RRP15: variants seen among roughly 807,000 people sequenced by gnomAD.
The protein encoded by RRP15 is ribosomal RNA processing 15 homolog, also known as RRP15-like protein.
Under a neutral mutation model 27.1 loss-of-function variants are expected in RRP15, and 18 were observed. That is an observed-to-expected ratio of 0.66 (90% CI 0.46 to 0.98). The LOEUF is 0.98. Among genes scored for constraint, RRP15 ranks in the 50% least tolerant of loss-of-function variants. The pLI is 0.00. For synonymous variants in RRP15, 107 were observed against 109.4 expected (o/e 0.98, Z 0.14); for missense variants, 359 against 337.8 (o/e 1.06, Z -0.49).
chr1:218,329,453 T>C (rs1656331968), intron 4 of RRP15, among the ~76,000 whole-genome samples: 1 of 151,792 alleles, frequency 6.6e-6, no homozygotes. Context: ...AACAATCTAA[T>C]AGAAGTAGAA....
intron 1 of RRP15, among the ~76,000 whole-genome samples, chr1:218,291,071 C>T (rs866634900): frequency 5.0e-4 from 76 of 151,832 alleles, no homozygotes; most frequent in Middle Eastern, 3.4e-3. Context: ...CCTGGGAGTT[C>T]GAGACTGCAG....
intron 4 of RRP15, among the ~76,000 whole-genome samples, chr1:218,328,721 T>C (rs1353942447): frequency 1.3e-5 from 2 of 152,140 alleles, no homozygotes. Context: ...TTCTGTTGCC[T>C]GCGGGTTTTC....
intron 1 of RRP15, among the ~76,000 whole-genome samples, chr1:218,297,535 A>G (rs1014383811): frequency 6.6e-6 from 1 of 152,194 alleles, no homozygotes; most frequent in East Asian, 1.9e-4. Flanking sequence ...AAGACAGAAG[A>G]CTTAATGTCA....
At chr1:218,286,939 C>A (rs1466172373) in intron 1 of RRP15, among the ~76,000 whole-genome samples, 1 of 152,074 alleles carries the variant, frequency 6.6e-6, no homozygotes, top group Non-Finnish European at 1.5e-5. Context: ...AATGTCAGTA[C>A]TGCTTACAAA....
At chr1:218,299,545 C>A (rs568070684) in intron 1 of RRP15, among the ~76,000 whole-genome samples, 1 of 152,226 alleles carries the variant, frequency 6.6e-6, no homozygotes, top group South Asian at 2.1e-4. Context: ...AACATGAAAT[C>A]TGTGGCAATT....
In RRP15 at chr1:218,291,511, G is replaced by T. The variant is rs142583724; in HGVS notation, c.139+6056G>T. ...AAAGAAAAAGGAAAAAAAAAAGAAAGAAATCATTGAATTTTCCTTTTTTTT... is the reference window on the plus strand; with the variant it reads ...AAAGAAAAAGGAAAAAAAAAAGAAATAAATCATTGAATTTTCCTTTTTTTT... On this transcript the variant is annotated intron_variant, in intron 1 of 4. Transcript: ENST00000366932. Among the ~76,000 whole-genome samples the T allele has an allele frequency of 8.7e-3, 1,146 of 132,464 alleles. 20 individuals are homozygous for T. Among genetic ancestry groups the T allele is most frequent in the African/African-American group, 0.029 (1,055 of 36,698 alleles). 86.9% of individuals were successfully genotyped at this position (132,464 alleles called of 152,430 possible). A position where few individuals can be genotyped will look rare whatever the true frequency, so the allele number is the denominator to read the frequency against.
chr1:218,315,764 G>T (rs1016288362), intron 4 of RRP15, among the ~76,000 whole-genome samples: 4 of 151,916 alleles, frequency 2.6e-5, no homozygotes, highest in Non-Finnish European at 5.9e-5. Flanking sequence ...CCAGGATTTA[G>T]CTTTTAAATC....
intron 1 of RRP15, among the ~76,000 whole-genome samples, chr1:218,299,791 G>A (rs1474257802): frequency 6.6e-6 from 1 of 152,138 alleles, no homozygotes; most frequent in Non-Finnish European, 1.5e-5. Flanking sequence ...ACTCTGAAGA[G>A]TAAAACATAT....
At chr1:218,304,889 T>G in intron 2 of RRP15, 139 bp from the exon 3 acceptor site, 2 of 707,346 alleles carry the variant, frequency 2.8e-6, no homozygotes, top group Non-Finnish European at 2.4e-6. Flanking sequence ...ACCCCTAACA[T>G]TGTGTTTTTT....
At chr1:218,288,477 C>T (rs951100854) in intron 1 of RRP15, among the ~76,000 whole-genome samples, 2 of 152,152 alleles carry the variant, frequency 1.3e-5, no homozygotes, top group South Asian at 2.1e-4. Flanking sequence ...ATTCTGACAA[C>T]TCTATGAGAT....
At chr1:218,291,123 AG>A (rs1301523168) in intron 1 of RRP15, among the ~76,000 whole-genome samples, 1 of 152,024 alleles carries the variant, frequency 6.6e-6, no homozygotes, top group Non-Finnish European at 1.5e-5. Flanking sequence ...TGGGTGACAC[AG>A]CATGACCCTG....
At chr1:218,320,771 G>A (rs1004985038) in intron 4 of RRP15, among the ~76,000 whole-genome samples, 1 of 151,670 alleles carries the variant, frequency 6.6e-6, no homozygotes, top group African/African-American at 2.4e-5. Context: ...AAAATCAGTG[G>A]GCGAAAAAAA....
In RRP15 at chr1:218,285,305, C is replaced by G. The variant is rs1380373980; in HGVS notation, c.-12C>G. The G allele has an allele frequency of 8.1e-6, 13 of 1,612,794 alleles. No individual in the cohort carries two copies. The Admixed American group carries it at 2.2e-4, about 27-fold the overall frequency. On this transcript the variant is annotated 5_prime_UTR_variant, in exon 1 of 5. Transcript: ENST00000366932. ...GGACGCAACTGTCAGGTGACGCTTC[C>G]GGCGCAGAAAAATGGCAGCCGCCGC...
chr1:218,321,111 T>C (rs1656181034), intron 4 of RRP15, among the ~76,000 whole-genome samples: 1 of 152,210 alleles, frequency 6.6e-6, no homozygotes, highest in Admixed American at 6.5e-5. Flanking sequence ...GTTCAGTGGC[T>C]GCCAATGTAT....
At position 218,336,034 on chromosome 1, in the gene RRP15, C is replaced by T. The variant is rs1314301720; in HGVS notation, c.*4943C>T. ...TCTAAAAGAATGGGTTTATGATGCACCAAAAGGACATTTTGAGAACTGCCG... is the reference window on the plus strand; with the variant it reads ...TCTAAAAGAATGGGTTTATGATGCATCAAAAGGACATTTTGAGAACTGCCG... On this transcript the variant is annotated 3_prime_UTR_variant, in exon 5 of 5. Coordinates refer to ENST00000366932, the MANE Select transcript of RRP15 (RefSeq NM_016052.4). 5.3e-5 allele frequency: 8 copies of T among 152,074 alleles called. No individual in the cohort carries two copies. Among genetic ancestry groups the T allele is most frequent in the Admixed American group, 1.3e-4 (2 of 15,258 alleles). 9.4% of individuals were successfully genotyped at this position (152,074 alleles called of 1,614,324 possible).
At chr1:218,288,415 T>G (rs762364508) in intron 1 of RRP15, among the ~76,000 whole-genome samples, 40 of 152,202 alleles carry the variant, frequency 2.6e-4, no homozygotes, top group South Asian at 1.2e-3. Context: ...TTTTGGAACT[T>G]TCCTATGTGC....
At chr1:218,302,788 C>A in intron 2 of RRP15, 1 of 484,530 alleles carries the variant, frequency 2.1e-6, no homozygotes, top group South Asian at 3.8e-5. Context: ...GAAATGTAAA[C>A]GCTGAGGAAA....
chr1:218,305,264 G>A (rs1655881146), intron 3 of RRP15, 139 bp downstream of exon 3: 1 of 599,590 alleles, frequency 1.7e-6, no homozygotes, highest in East Asian at 3.0e-5. Context: ...GTTCAACACT[G>A]AATTCAACCA....
In RRP15 at chr1:218,307,527, G is replaced by A; in HGVS notation, c.600G>A (p.Lys200=). The A allele has an allele frequency of 6.2e-7, 1 of 1,613,960 alleles. No individual in the cohort carries two copies. The highest frequency in any genetic ancestry group is 8.5e-7 in the Non-Finnish European group (1 of 1,179,878). The change falls in exon 4 of 5, where the codon AAG becomes AAA. Residue 200 remains lysine (K), a synonymous_variant. Coordinates refer to ENST00000366932, the MANE Select transcript of RRP15 (RefSeq NM_016052.4). ...EAGSSMRKRA[K]LISTVSKKDF... is the part of the protein sequence containing the mutation. ...GAAGTTCTATGAGAAAGCGTGCTAA[G>A]TTGATATCAACTGTTTCCAAGAAAG...
Sources: gnomAD v4.1 joint callset for allele counts (sites outside exome capture counted in the v4.1 genomes callset) on GRCh38, gnomAD v4.1.1 for gene constraint, MANE v1.5 for transcripts, NCBI Gene and HGNC (gene_info 2026-07-23, HGNC 2026-07-21) for gene names.